Variants in PDE4C observed in about 807,000 individuals in gnomAD.
The protein encoded by PDE4C is phosphodiesterase 4C, also known as 3',5'-cyclic-AMP phosphodiesterase 4C.
A neutral mutation model predicts 63.9 loss-of-function variants in PDE4C; 50 were observed. The observed-to-expected ratio is 0.78, with a 90% confidence interval of 0.62 to 0.99. The LOEUF (loss-of-function observed/expected upper bound fraction) is 0.99. PDE4C is among the 50% of genes least tolerant of loss of function. PDE4C has a pLI of 0.00. For missense variants in PDE4C, 777 were observed against 899.1 expected, an observed-to-expected ratio of 0.86 and a Z score of 1.74; for synonymous variants, 377 against 385.1, an observed-to-expected ratio of 0.98 and a Z score of 0.25.
intron 1 of PDE4C, among the ~76,000 whole-genome samples, chr19:18,240,880 T>C (rs1386554905): frequency 6.6e-6 from 1 of 152,154 alleles, no homozygotes; most frequent in African/African-American, 2.4e-5. Context: ...CTCATTTCCT[T>C]GCCTATGAGT....
At chr19:18,246,209 A>C (rs1969129109) in intron 1 of PDE4C, among the ~76,000 whole-genome samples, 1 of 130,000 alleles carries the variant, frequency 7.7e-6, no homozygotes, top group Non-Finnish European at 1.6e-5. Context: ...TTTGAGATGG[A>C]GTCTCGCTCT....
At chr19:18,216,685 G>A (rs1184645285) in intron 12 of PDE4C, 56 bp downstream of exon 12, 2 of 1,505,048 alleles carry the variant, frequency 1.3e-6, no homozygotes, top group Non-Finnish European at 1.8e-6. Context: ...CTGCAGATGA[G>A]AAGGATGCCC....
chr19:18,224,902 C>T (rs1968660681), intron 1 of PDE4C, among the ~76,000 whole-genome samples: 1 of 152,196 alleles, frequency 6.6e-6, no homozygotes, highest in Non-Finnish European at 1.5e-5. Flanking sequence ...ATCTGCCCCT[C>T]GAGGGGGAGG....
intron 1 of PDE4C, among the ~76,000 whole-genome samples, chr19:18,242,826 G>T (rs913289524): frequency 2.0e-5 from 3 of 151,404 alleles, no homozygotes; most frequent in Non-Finnish European, 4.4e-5. Flanking sequence ...CCAAGGGCCA[G>T]GGTGGAGGGA....
intron 12 of PDE4C, among the ~76,000 whole-genome samples, chr19:18,214,980 C>CATGTGGACT (rs1968128249): frequency 6.6e-6 from 1 of 151,590 alleles, no homozygotes; most frequent in Non-Finnish European, 1.5e-5. Context: ...TTAACCCACC[C>CATGTGGACT]ATGTGGACTC....
exon 1 of PDE4C, chr19:18,226,306 C>T (rs1485585753): frequency 1.7e-5 from 26 of 1,569,358 alleles, no homozygotes; most frequent in Non-Finnish European, 2.1e-5. Context: ...CCGCTGCAGG[C>T]GGATGCTCTG....
At chr19:18,216,789 G>T in exon 12 of PDE4C, 1 of 1,614,144 alleles carries the variant, frequency 6.2e-7, no homozygotes, top group Non-Finnish European at 8.5e-7. Flanking sequence ...TGGCGCTGAG[G>T]TTCTGGAAGA....
chr19:18,247,952 A>C (rs1363677779), intron 1 of PDE4C, among the ~76,000 whole-genome samples: 2 of 152,106 alleles, frequency 1.3e-5, no homozygotes, highest in African/African-American at 4.8e-5. Context: ...AGGTGCCCAA[A>C]GCCCCTCCCC....
At chr19:18,233,688 T>TA, upstream of PDE4C, 1 of 323,594 alleles carries the variant, frequency 3.1e-6, no homozygotes, top group South Asian at 2.3e-5. Context: ...TCCGGGTGGA[T>TA]GAGACAGCGA....
intron 1 of PDE4C, among the ~76,000 whole-genome samples, chr19:18,243,545 G>A (rs778908745): frequency 2.0e-5 from 3 of 152,164 alleles, no homozygotes; most frequent in Non-Finnish European, 4.4e-5. Context: ...TTCCAATTTC[G>A]CTGGAGCATC....
chr19:18,226,237 G>A, intron 1 of PDE4C, 33 bp downstream of exon 1: 2 of 1,528,514 alleles, frequency 1.3e-6, no homozygotes, highest in Non-Finnish European at 1.8e-6. Context: ...CGGGCGTCCC[G>A]GTGACCCCGC....
rs1968444013 is a variant in PDE4C at position 18,220,914 on chromosome 19, G to C, written c.459C>G (p.Pro153=). The C allele has an allele frequency of 1.9e-6, 3 of 1,605,692 alleles. No individual in the cohort carries two copies. The highest frequency in any genetic ancestry group is 2.2e-5 in the East Asian group (1 of 44,560). The change falls in exon 5 of 15, where the codon CCC becomes CCG. Residue 153 remains proline, a synonymous_variant. Transcript: ENST00000262805. This position sits in a 1 kb window ranked among gnomAD's most constrained non-coding sequence, Gnocchi z 5.1. ...GATTGCTGGATGAAGGGTTTCCGAC[G>C]GGTCCCTGCCTGCGGTACAGCAGCC...
chr19:18,242,750 A>C (rs1337490213), intron 1 of PDE4C, among the ~76,000 whole-genome samples: 1 of 144,236 alleles, frequency 6.9e-6, no homozygotes, highest in Non-Finnish European at 1.5e-5. Context: ...GCACCACTGC[A>C]CTCTAGCCTG....
chr19:18,217,889 A>G (rs940771214), intron 11 of PDE4C, among the ~76,000 whole-genome samples: 8 of 152,046 alleles, frequency 5.3e-5, no homozygotes, highest in Non-Finnish European at 2.9e-5. Flanking sequence ...AGAGCAAGAC[A>G]CTGTCTTTAA....
At chr19:18,222,639 T>G (rs1968536293) in intron 1 of PDE4C, among the ~76,000 whole-genome samples, 1 of 148,948 alleles carries the variant, frequency 6.7e-6, no homozygotes, top group Non-Finnish European at 1.5e-5. Flanking sequence ...TTTCTTTTTT[T>G]TTTTTCTTTC....
upstream of PDE4C, chr19:18,252,304 C>T: frequency 2.5e-6 from 1 of 399,112 alleles, no homozygotes; most frequent in Non-Finnish European, 4.4e-6. Flanking sequence ...GTAGGGGTTG[C>T]CCCTGAACTT....
At chr19:18,218,629 C>T in intron 9 of PDE4C, 131 bp from the exon 10 acceptor site, 1 of 981,934 alleles carries the variant, frequency 1.0e-6, no homozygotes, top group Non-Finnish European at 1.5e-6. Flanking sequence ...CTGTGCTCTC[C>T]TGAACTCCTC....
chr19:18,250,757 C>T (rs1488924756), upstream of PDE4C, among the ~76,000 whole-genome samples: 1 of 151,762 alleles, frequency 6.6e-6, no homozygotes, highest in Non-Finnish European at 1.5e-5. Context: ...CAGGCATGCA[C>T]CACCATGCCT....
intron 9 of PDE4C, among the ~76,000 whole-genome samples, 184 bp downstream of exon 9, chr19:18,218,756 G>A (rs1387572844): frequency 6.6e-6 from 1 of 152,172 alleles, no homozygotes; most frequent in Non-Finnish European, 1.5e-5. Context: ...CAGGGCTGAG[G>A]CTTCTGGACA....
Sources: gnomAD v4.1 joint callset for allele counts (sites outside exome capture counted in the v4.1 genomes callset) on GRCh38, gnomAD v4.1.1 for gene constraint, Gnocchi (gnomAD v3.1) non-coding constraint, MANE v1.5 for transcripts, NCBI Gene and HGNC (gene_info 2026-07-23, HGNC 2026-07-21) for gene names.